The following WDR74 variants were observed in gnomAD, a reference collection of about 807,000 sequenced individuals.
WDR74 encodes WD repeat domain 74, also known as WD repeat-containing protein 74.
A neutral mutation model predicts 45.6 loss-of-function variants in WDR74; 31 were observed. That is an observed-to-expected ratio of 0.68 (90% CI 0.51 to 0.92). The LOEUF (loss-of-function observed/expected upper bound fraction) is 0.92, where lower values mean the gene tolerates loss of function less well. WDR74 is among the 40% of genes least tolerant of loss of function. The pLI, the probability that WDR74 is intolerant of heterozygous loss-of-function variation, is 0.00. For missense variants in WDR74, 455 were observed against 497.2 expected (o/e 0.92, Z 0.81); for synonymous variants, 191 against 192.4 (o/e 0.99, Z 0.06).
At chr11:62,836,134 G>GAA in intron 3 of WDR74, 98 bp from the exon 4 acceptor site, 12 of 1,127,324 alleles carry the variant, frequency 1.1e-5, no homozygotes, top group South Asian at 1.5e-5. Context: ...AATGTTTAAA[G>GAA]AAAAAAAAAA....
chr11:62,839,609 A>G (rs1261382995), upstream of WDR74: 2 of 1,567,796 alleles, frequency 1.3e-6, no homozygotes, highest in African/African-American at 2.7e-5. Flanking sequence ...CTTCCGGCGC[A>G]GCGTGTGCGT....
intron 7 of WDR74, 37 bp downstream of exon 7, chr11:62,834,390 G>GCGCCCCCC: frequency 6.3e-7 from 1 of 1,584,236 alleles, no homozygotes; most frequent in Non-Finnish European, 8.6e-7. Flanking sequence ...CCCTTCTCAA[G>GCGCCCCCC]CCCCACCCTC....
chr11:62,841,679 C>G (rs922311302), upstream of WDR74: 2 of 152,034 alleles, frequency 1.3e-5, no homozygotes, highest in Non-Finnish European at 1.5e-5. Flanking sequence ...GTGGACGGAG[C>G]AAGCTCCTAT....
chr11:62,841,129 C>T (rs1219137302), upstream of WDR74, among the ~76,000 whole-genome samples: 6 of 152,122 alleles, frequency 3.9e-5, no homozygotes, highest in African/African-American at 1.4e-4. Context: ...CCACCCTGGC[C>T]AACATGGTGA....
chr11:62,840,885 A>G (rs1402406240), upstream of WDR74, among the ~76,000 whole-genome samples: 1 of 152,202 alleles, frequency 6.6e-6, no homozygotes, highest in African/African-American at 2.4e-5. Context: ...TAGGTTTAAC[A>G]CATCAAACGC....
intron 8 of WDR74, 55 bp downstream of exon 8, chr11:62,834,221 T>C: frequency 6.2e-7 from 1 of 1,611,838 alleles, no homozygotes; most frequent in Admixed American, 1.7e-5. Context: ...TTAGAGGGAA[T>C]CCTGACCCTT....
intron 3 of WDR74, among the ~76,000 whole-genome samples, chr11:62,838,402 A>G (rs2084990490): frequency 6.6e-6 from 1 of 151,430 alleles, no homozygotes; most frequent in Admixed American, 6.6e-5. Context: ...TGATCCACCT[A>G]TCTCGGCCTT....
At chr11:62,834,568 G>A (rs1590985670) in intron 6 of WDR74, 41 bp from the exon 7 acceptor site, 1 of 1,552,074 alleles carries the variant, frequency 6.4e-7, no homozygotes, top group South Asian at 1.1e-5. Flanking sequence ...TCCTCACCCT[G>A]CACCTACCCT....
At chr11:62,839,652 T>C (rs529695121), upstream of WDR74, 15 of 1,494,100 alleles carry the variant, frequency 1.0e-5, no homozygotes, top group African/African-American at 1.5e-4. Flanking sequence ...TGCAGCGCAG[T>C]GTAGTTGCTG....
At position 62,835,821 on chromosome 11, in the gene WDR74, G is replaced by A. The variant is rs773426645; in HGVS notation, c.390C>T (p.Gly130=). Residue 130 remains glycine, a synonymous_variant, in exon 5 of 11, where the codon GGC becomes GGT. Coordinates refer to ENST00000278856, the MANE Select transcript of WDR74 (RefSeq NM_001369450.1). The part of the protein sequence containing the change: ...SSDPLLELRV[G]PGVCRMRQDP... ...CTTGGCGCATCCTACACACCCCAGG[G>A]CCCACTCTCAGTTCCAGGAGCTGTA... 1 of 1,612,244 alleles carries A rather than the reference G, an allele frequency of 6.2e-7. No individual in the cohort carries two copies. The highest frequency in any genetic ancestry group is 8.5e-7 in the Non-Finnish European group (1 of 1,179,116).
chr11:62,839,225 C>T lies in WDR74; in HGVS notation c.182G>A (p.Gly61Asp). 1 of 1,613,618 alleles carries T rather than the reference C, an allele frequency of 6.2e-7. No homozygotes were observed. Among genetic ancestry groups the T allele is most frequent in the Non-Finnish European group, 8.5e-7 (1 of 1,179,896 alleles). The change falls in exon 3 of 11, where the codon GGC (glycine) becomes GAC (aspartate). Residue 61 changes from glycine (G) to aspartate (D), a missense_variant. Coordinates refer to ENST00000278856, the MANE Select transcript of WDR74 (RefSeq NM_001369450.1). Reference protein sequence around the residue: ...GTGGETQMLVGCADRTVKHFS... With the variant: ...GTGGETQMLVDCADRTVKHFS... Reference sequence around the variant, plus strand: ...GTGCTTCACCGTCCTGTCCGCGCAGCCCACCAGCATCTGCGGCAAAGAAGG... The same window carrying T: ...GTGCTTCACCGTCCTGTCCGCGCAGTCCACCAGCATCTGCGGCAAAGAAGG...
intron 3 of WDR74, chr11:62,836,294 G>T (rs929253114): frequency 8.0e-5 from 35 of 437,944 alleles, no homozygotes; most frequent in Non-Finnish European, 2.5e-5. Flanking sequence ...TTCTCAACAG[G>T]GTGAGGGTTT....
At chr11:62,839,640 G>A, upstream of WDR74, 1 of 1,528,606 alleles carries the variant, frequency 6.5e-7, no homozygotes, top group Non-Finnish European at 8.8e-7. Flanking sequence ...CGTCGAGTCC[G>A]ATGCAGCGCA....
At chr11:62,838,911 T>G (rs2134896883) in intron 3 of WDR74, among the ~76,000 whole-genome samples, 1 of 152,294 alleles carries the variant, frequency 6.6e-6, no homozygotes, top group South Asian at 2.1e-4. Context: ...GCAGCCCCTG[T>G]ACTTCTCCCA....
rs762795139 is a variant in WDR74, at chr11:62,833,081, T to A, written c.1029A>T (p.Thr343=). The A allele has an allele frequency of 1.9e-6, 3 of 1,612,342 alleles. No homozygotes were observed. The African/African-American group carries it at 4.0e-5, about 22-fold the overall frequency. The change falls in exon 11 of 11, where the codon ACA becomes ACT. Residue 343 remains threonine, a synonymous_variant. Coordinates refer to ENST00000278856, the MANE Select transcript of WDR74 (RefSeq NM_001369450.1). ...QEPNKVPLED[T]ETDELWASLE... ...AGGATGCCCAAAGTTCATCTGTCTCTGTGTCTTCTAGGGGCACCTTGTTGG... is the reference window on the plus strand; with the variant it reads ...AGGATGCCCAAAGTTCATCTGTCTCAGTGTCTTCTAGGGGCACCTTGTTGG...
chr11:62,833,124 G>C lies in WDR74; in HGVS notation c.986C>G (p.Pro329Arg). Residue 329 changes from proline (P) to arginine (R), a missense_variant, in exon 11 of 11, where the codon CCC (proline) becomes CGC (arginine). Physicochemically the swap from Pro to Arg is moderately radical, Grantham distance 103 (BLOSUM62 -2). Transcript: ENST00000278856. The stretch of plus-strand genomic sequence containing the variant: ...CTTGTTGGGTTCTTGAGGCTCTTGG[G>C]GCTCATCCTGGTGAGTGGGAAGAAA... ...LSGRDNWEDE[P>R]QEPQEPNKVP... is the part of the protein sequence containing the mutation. 6.2e-7 allele frequency: 1 copy of C among 1,612,474 alleles called. No individual in the cohort carries two copies. The highest frequency in any genetic ancestry group is 8.5e-7 in the Non-Finnish European group (1 of 1,179,476).
chr11:62,841,613 C>CT (rs1157574621), upstream of WDR74: 1 of 152,168 alleles, frequency 6.6e-6, no homozygotes, highest in Non-Finnish European at 1.5e-5. Flanking sequence ...TGTTCTCTCC[C>CT]CGAAGGGAGA....
chr11:62,833,732 AGG>A, intron 9 of WDR74, 58 bp from the exon 10 acceptor site: 1 of 1,596,090 alleles, frequency 6.3e-7, no homozygotes, highest in Non-Finnish European at 8.5e-7. Context: ...ACATGAACGG[AGG>A]GCACAGGAGG....
chr11:62,841,189 C>T (rs1004683374), upstream of WDR74, among the ~76,000 whole-genome samples: 22 of 152,094 alleles, frequency 1.4e-4, no homozygotes, highest in Non-Finnish European at 3.1e-4. Context: ...TGGTGGCGGG[C>T]GCCTGTAGTC....
Sources: gnomAD v4.1 joint callset for allele counts (sites outside exome capture counted in the v4.1 genomes callset) on GRCh38, gnomAD v4.1.1 for gene constraint, MANE v1.5 for transcripts, NCBI Gene and HGNC (gene_info 2026-07-23, HGNC 2026-07-21) for gene names.